The following LINC00632 variants were observed in gnomAD, a reference collection of about 807,000 sequenced individuals.
The protein encoded by LINC00632 is ALDOA related specific transcript.
At chrX:140,784,519 G>T in exon 5 of LINC00632, 1 of 622,483 alleles carries the variant, frequency 1.6e-6, no homozygotes, top group Non-Finnish European at 2.5e-6. Flanking sequence ...ACGTCTTCCA[G>T]CATCTCTGTG....
rs796485491 is a variant in LINC00632, at chrX:140,759,289, TTTCCTTCCTTCCTTCC to T, written n.192-12746_192-12731del. ...ACCCCAGGCCTCTTTTCTTTCTTTCTTTCCTTCCTTCCTTCCTTCCTTCCTTCCTTCCTTCCTTCCT... is the reference window on the plus strand; with the variant it reads ...ACCCCAGGCCTCTTTTCTTTCTTTCTTTCCTTCCTTCCTTCCTTCCTTCCT... On this transcript the variant is annotated intron_variant and non_coding_transcript_variant, in intron 3 of 4. Coordinates refer to ENST00000648200, the Ensembl canonical transcript of LINC00632. Among the ~76,000 whole-genome samples the T allele has an allele frequency of 8.6e-3, 682 of 79,566 alleles. 8 individuals are homozygous for T. The highest frequency in any genetic ancestry group is 0.02 in the Middle Eastern group (3 of 152). The allele number at this position is 79,566 out of a possible 115,157, so 69.1% of individuals were successfully genotyped here. A position where few individuals can be genotyped will look rare whatever the true frequency, so the allele number is the denominator to read the frequency against.
chrX:140,789,296 T>G (rs1026663168), exon 5 of LINC00632, among the ~76,000 whole-genome samples: 2 of 111,010 alleles, frequency 1.8e-5, no homozygotes, highest in Admixed American at 9.7e-5. Context: ...AAAGTCATTT[T>G]ATAAAACAGC....
At chrX:140,724,876 TAC>T (rs371119112) in intron 2 of LINC00632, among the ~76,000 whole-genome samples, 10 of 74,980 alleles carry the variant, frequency 1.3e-4, no homozygotes, top group Non-Finnish European at 2.1e-4. Flanking sequence ...ACACATTCCA[TAC>T]ACACACATTC....
intron 3 of LINC00632, among the ~76,000 whole-genome samples, chrX:140,750,428 T>C (rs1440596478): frequency 1.8e-5 from 2 of 110,467 alleles, no homozygotes; most frequent in Non-Finnish European, 3.8e-5. Flanking sequence ...CAAAAATAAC[T>C]ATGTGAGGTA....
intron 3 of LINC00632, among the ~76,000 whole-genome samples, chrX:140,763,450 G>A (rs1402860091): frequency 9.2e-6 from 1 of 109,284 alleles, no homozygotes; most frequent in Non-Finnish European, 1.9e-5. Context: ...TTGTTCTTGG[G>A]TTTGTCAGAA....
chrX:140,784,071 A>C (rs1931979197), exon 5 of LINC00632: 1 of 1,209,766 alleles, frequency 8.3e-7, no homozygotes, highest in Non-Finnish European at 1.1e-6. Context: ...GTCTTCCAGC[A>C]AGTCCACGTC....
chrX:140,772,617 C>T (rs1931818435), exon 4 of LINC00632: 1 of 236,489 alleles, frequency 4.2e-6, no homozygotes, highest in Non-Finnish European at 7.5e-6. Flanking sequence ...AGCAACACTT[C>T]CTAGGGCATA....
At chrX:140,738,501 G>C (rs1437325011) in intron 3 of LINC00632, among the ~76,000 whole-genome samples, 1 of 112,232 alleles carries the variant, frequency 8.9e-6, no homozygotes, top group Non-Finnish European at 1.9e-5. Context: ...GATCATGTTT[G>C]AGCAAAATGT....
exon 5 of LINC00632, among the ~76,000 whole-genome samples, chrX:140,777,588 T>A (rs2148403472): frequency 8.9e-6 from 1 of 112,738 alleles, no homozygotes; most frequent in East Asian, 2.8e-4. Flanking sequence ...TATTTCAAAA[T>A]TTCCTTCAGC....
intron 3 of LINC00632, among the ~76,000 whole-genome samples, chrX:140,737,646 G>C (rs1249909586): frequency 9.0e-6 from 1 of 111,361 alleles, no homozygotes; most frequent in Non-Finnish European, 1.9e-5. Context: ...CCCAGTCTCT[G>C]GTGTCTATTA....
intron 2 of LINC00632, among the ~76,000 whole-genome samples, chrX:140,732,599 G>A (rs761228239): frequency 3.6e-5 from 4 of 111,373 alleles, no homozygotes; most frequent in South Asian, 7.6e-4. Flanking sequence ...GTATATACAC[G>A]TATACATGTG....
At chrX:140,748,231 AG>A (rs1931358294) in intron 3 of LINC00632, among the ~76,000 whole-genome samples, 1 of 112,379 alleles carries the variant, frequency 8.9e-6, no homozygotes, top group South Asian at 3.7e-4. Context: ...CTGGGATAGA[AG>A]AATATAAAAT....
At chrX:140,731,382 G>A (rs1435321410) in intron 2 of LINC00632, among the ~76,000 whole-genome samples, 1 of 111,699 alleles carries the variant, frequency 9.0e-6, no homozygotes, top group East Asian at 2.8e-4. Flanking sequence ...CTATTACCTG[G>A]GCACATTAGG....
intron 2 of LINC00632, chrX:140,713,837 C>T (rs1171894109): frequency 6.4e-6 from 2 of 310,626 alleles, no homozygotes; most frequent in Non-Finnish European, 6.3e-6. Context: ...CAGACTTGCC[C>T]CCCCATAAGG....
At chrX:140,765,202 G>A (rs1016791523) in intron 3 of LINC00632, among the ~76,000 whole-genome samples, 10 of 111,587 alleles carry the variant, frequency 9.0e-5, no homozygotes, top group Admixed American at 6.6e-4. Flanking sequence ...GTGGTGCCAC[G>A]TAGTAGACCT....
intron 2 of LINC00632, among the ~76,000 whole-genome samples, chrX:140,730,537 C>G (rs762188115): frequency 4.5e-5 from 5 of 110,059 alleles, no homozygotes; most frequent in African/African-American, 1.7e-4. Flanking sequence ...CCAGAACACT[C>G]AGGCTTGCCT....
chrX:140,778,594 A>T (rs1931899979), exon 5 of LINC00632, among the ~76,000 whole-genome samples: 1 of 103,964 alleles, frequency 9.6e-6, no homozygotes, highest in African/African-American at 3.6e-5. Context: ...ACAGGATGAG[A>T]CTCTGTCTAA....
At chrX:140,743,729 G>A (rs777144266) in intron 3 of LINC00632, among the ~76,000 whole-genome samples, 6 of 111,210 alleles carry the variant, frequency 5.4e-5, no homozygotes, top group Non-Finnish European at 9.4e-5. Flanking sequence ...GTGACCCTGC[G>A]AGCAGTTACA....
chrX:140,722,905 C>T (rs1353770560), intron 2 of LINC00632, among the ~76,000 whole-genome samples: 1 of 109,559 alleles, frequency 9.1e-6, no homozygotes, highest in Non-Finnish European at 1.9e-5. Flanking sequence ...CAAAATTAGT[C>T]GAGCGTGGTG....
Sources: allele counts gnomAD v4.1 joint callset (sites outside exome capture counted in the v4.1 genomes callset), GRCh38; gene constraint gnomAD v4.1.1; transcripts MANE v1.5; gene names NCBI Gene and HGNC (gene_info 2026-07-23, HGNC 2026-07-21).